Variants in NXPH2 observed in about 807,000 individuals in gnomAD.
NXPH2 encodes neurexophilin-2.
In NXPH2, 5 loss-of-function variants were observed where a neutral mutation model predicts 19.8. That is an observed-to-expected ratio of 0.25 (90% CI 0.13 to 0.53). The LOEUF (loss-of-function observed/expected upper bound fraction) is 0.53. NXPH2 is among the 20% of genes least tolerant of loss of function. The pLI is 0.96. For missense variants in NXPH2, 289 were observed against 322.8 expected, an observed-to-expected ratio of 0.90 and a Z score of 0.80; for synonymous variants, 154 against 127.4, an observed-to-expected ratio of 1.21 and a Z score of -1.41.
chr2:138,733,681 T>G (rs1287427217), intron 1 of NXPH2, among the ~76,000 whole-genome samples: 1 of 152,162 alleles, frequency 6.6e-6, no homozygotes, highest in Non-Finnish European at 1.5e-5. Flanking sequence ...GCTCTCACAA[T>G]GTTCGGCTGC....
intron 1 of NXPH2, among the ~76,000 whole-genome samples, chr2:138,709,650 C>A (rs1410199844): frequency 6.6e-6 from 1 of 152,236 alleles, no homozygotes; most frequent in Non-Finnish European, 1.5e-5. Context: ...AGTTTCACTG[C>A]CCTAAAAATC....
chr2:138,770,308 A>G (rs1489705103), intron 1 of NXPH2, among the ~76,000 whole-genome samples: 4 of 152,186 alleles, frequency 2.6e-5, no homozygotes, highest in African/African-American at 9.6e-5. Context: ...TATTTCATTT[A>G]TGAATATAGC....
chr2:138,734,552 G>C (rs959342058), intron 1 of NXPH2, among the ~76,000 whole-genome samples: 22 of 152,256 alleles, frequency 1.4e-4, no homozygotes, highest in East Asian at 1.9e-4. Flanking sequence ...TTTTAAAAAA[G>C]GAATACCTCC....
At chr2:138,744,968 A>G (rs143619980) in intron 1 of NXPH2, among the ~76,000 whole-genome samples, 42 of 152,306 alleles carry the variant, frequency 2.8e-4, no homozygotes, top group African/African-American at 9.6e-4. Context: ...AAGTACAGAA[A>G]TGTGAGCCCA....
At chr2:138,679,921 C>T (rs146468540) in intron 1 of NXPH2, among the ~76,000 whole-genome samples, 3 of 152,156 alleles carry the variant, frequency 2.0e-5, no homozygotes, top group African/African-American at 7.2e-5. Context: ...AATCATTGGA[C>T]TGAGAAGAAA....
At chr2:138,768,507 C>T (rs1682126914) in intron 1 of NXPH2, among the ~76,000 whole-genome samples, 1 of 152,204 alleles carries the variant, frequency 6.6e-6, no homozygotes, top group Non-Finnish European at 1.5e-5. Flanking sequence ...TCAACCAGAA[C>T]ACAGCATCTT....
intron 1 of NXPH2, among the ~76,000 whole-genome samples, chr2:138,743,515 G>GGA (rs1681676511): frequency 6.6e-6 from 1 of 152,216 alleles, no homozygotes; most frequent in Non-Finnish European, 1.5e-5. Flanking sequence ...GCCTAAGACT[G>GGA]GAGAGAGAGC....
chr2:138,694,205 C>T (rs1558915370), intron 1 of NXPH2, among the ~76,000 whole-genome samples: 2 of 152,196 alleles, frequency 1.3e-5, no homozygotes, highest in Non-Finnish European at 2.9e-5. Flanking sequence ...TGGAGCACTA[C>T]ACCGCTTTTG....
chr2:138,730,135 G>C (rs1681424928), intron 1 of NXPH2, among the ~76,000 whole-genome samples: 1 of 151,972 alleles, frequency 6.6e-6, no homozygotes. Context: ...AGTCATATTG[G>C]ACTAGGGCCT....
chr2:138,670,903 T>G lies in NXPH2; in HGVS notation c.*19A>C. 1 of 1,602,240 alleles carries G rather than the reference T, an allele frequency of 6.2e-7. No individual in the cohort carries two copies. Among genetic ancestry groups the G allele is most frequent in the Non-Finnish European group, 8.5e-7 (1 of 1,173,334 alleles). ...AATCAAATACATATGTATCCCTCAT[T>G]TCCACCACAGCAGGAAGATCAGCCA... On this transcript the variant is annotated 3_prime_UTR_variant, in exon 2 of 2. Coordinates refer to ENST00000272641, the MANE Select transcript of NXPH2 (RefSeq NM_007226.3).
intron 1 of NXPH2, among the ~76,000 whole-genome samples, chr2:138,749,139 C>T (rs148113023): frequency 8.5e-5 from 13 of 152,256 alleles, no homozygotes; most frequent in Middle Eastern, 3.4e-3. Context: ...ATGCTATTAT[C>T]ACAATAGTGA....
chr2:138,713,859 A>G (rs1681149318), intron 1 of NXPH2, among the ~76,000 whole-genome samples: 2 of 152,060 alleles, frequency 1.3e-5, no homozygotes, highest in South Asian at 4.1e-4. Context: ...TTACTGAACA[A>G]TCCTCCAGAT....
intron 1 of NXPH2, among the ~76,000 whole-genome samples, chr2:138,697,004 A>G (rs1211910479): frequency 6.6e-6 from 1 of 152,138 alleles, no homozygotes; most frequent in Non-Finnish European, 1.5e-5. Context: ...ATATAATTAA[A>G]TAGTACTCAG....
intron 1 of NXPH2, among the ~76,000 whole-genome samples, chr2:138,760,935 G>A (rs1171619271): frequency 6.6e-6 from 1 of 152,164 alleles, no homozygotes; most frequent in Non-Finnish European, 1.5e-5. Context: ...GAGCTCAGAG[G>A]AAAGGCTTGA....
intron 1 of NXPH2, among the ~76,000 whole-genome samples, chr2:138,687,134 T>G (rs2104973217): frequency 6.6e-6 from 1 of 152,326 alleles, no homozygotes; most frequent in Admixed American, 6.5e-5. Flanking sequence ...CCACACTGTC[T>G]TCCACAATGG....
At chr2:138,699,909 T>C (rs1680894381) in intron 1 of NXPH2, among the ~76,000 whole-genome samples, 1 of 152,196 alleles carries the variant, frequency 6.6e-6, no homozygotes, top group South Asian at 2.1e-4. Flanking sequence ...TCGAGGCTTG[T>C]GTGTTAATAT....
At chr2:138,757,799 A>G (rs1410616165) in intron 1 of NXPH2, among the ~76,000 whole-genome samples, 1 of 146,632 alleles carries the variant, frequency 6.8e-6, no homozygotes, top group Non-Finnish European at 1.5e-5. Flanking sequence ...ATGTATGTAT[A>G]TGTGTGTGTT....
intron 1 of NXPH2, among the ~76,000 whole-genome samples, chr2:138,672,368 T>C (rs996047503): frequency 2.0e-5 from 3 of 152,368 alleles, no homozygotes; most frequent in Admixed American, 6.5e-5. Context: ...AATTATATCC[T>C]AAAATAATTG....
chr2:138,715,539 A>G (rs1007549268), intron 1 of NXPH2, among the ~76,000 whole-genome samples: 3 of 152,200 alleles, frequency 2.0e-5, no homozygotes, highest in African/African-American at 7.2e-5. Context: ...TTGTTTACCA[A>G]GTGCTTTCTC....
Sources: allele counts gnomAD v4.1 joint callset (sites outside exome capture counted in the v4.1 genomes callset), GRCh38; gene constraint gnomAD v4.1.1; transcripts MANE v1.5; gene names NCBI Gene and HGNC (gene_info 2026-07-23, HGNC 2026-07-21).